Variants in OGDH observed in about 807,000 individuals in gnomAD.
The protein encoded by OGDH is 2-oxoglutarate dehydrogenase complex component E1.
OGDH carries 38 observed loss-of-function variants against 116.6 expected under a neutral mutation model. The ratio of observed to expected loss-of-function variants is 0.33; its 90% CI spans 0.25 to 0.43. OGDH has a LOEUF of 0.43. OGDH is among the 20% of genes least tolerant of loss of function. The probability of loss-of-function intolerance (pLI) is 1.00; values close to 1 mark genes in which losing one functional copy is unlikely to be tolerated. For synonymous variants in OGDH, 488 were observed against 533.3 expected (o/e 0.92, Z 1.17); for missense variants, 825 against 1,357.2 (o/e 0.61, Z 6.16).
intron 20 of OGDH, 73 bp downstream of exon 20, chr7:44,701,688 A>T: frequency 7.3e-7 from 1 of 1,372,060 alleles, no homozygotes; most frequent in Non-Finnish European, 1.0e-6. Context: ...GCTCTTTTAC[A>T]GCTCATGGGA....
At position 44,610,229 on chromosome 7, in the gene OGDH, A is replaced by G. The variant is rs1382065838; in HGVS notation, c.-28+3576A>G. ...GAATTCCTAATGTATTCTAGATACC[A>G]CTGCTTTGTTGGATATGTAGTTTGC... is the stretch of plus-strand genomic sequence containing the variant. On this transcript the variant is annotated intron_variant, in intron 1 of 22. Coordinates refer to ENST00000222673, the MANE Select transcript of OGDH (RefSeq NM_002541.4). Among the ~76,000 whole-genome samples the G allele has an allele frequency of 2.0e-5, 3 of 151,754 alleles. No individual in the cohort carries two copies. In the East Asian group the frequency reaches 5.8e-4, roughly 29 times the overall value.
Position 44,624,313 on chromosome 7 carries a change from A to G in OGDH, c.-27-4A>G. 1.0e-5 allele frequency: 4 copies of G among 391,224 alleles called. No homozygotes were observed. The highest frequency in any genetic ancestry group is 6.8e-5 in the Admixed American group (1 of 14,630). The allele number at this position is 391,224 out of a possible 1,614,324, so 24.2% of individuals were successfully genotyped here. A position where few individuals can be genotyped will look rare whatever the true frequency, so the allele number is the denominator to read the frequency against. On this transcript the variant is annotated splice_region_variant and splice_polypyrimidine_tract_variant and intron_variant, in intron 1 of 22. Transcript: ENST00000222673. The stretch of plus-strand genomic sequence containing the variant: ...CTTGTTTTTTTTTTTTTTTTTTTGT[A>G]CAGGCAGTTGTGAAAAACTTCAGGA...
At chr7:44,657,047 T>C (rs1369031065) in intron 4 of OGDH, among the ~76,000 whole-genome samples, 1 of 152,224 alleles carries the variant, frequency 6.6e-6, no homozygotes, top group East Asian at 1.9e-4. Flanking sequence ...AATTACACTT[T>C]TAATTTTGAG....
intron 10 of OGDH, among the ~76,000 whole-genome samples, chr7:44,689,042 G>T (rs780298105): frequency 5.3e-5 from 8 of 151,822 alleles, no homozygotes; most frequent in African/African-American, 9.7e-5. Context: ...GAGCCACTGT[G>T]CCCAGCCTGT....
chr7:44,664,170 C>A (rs1787078161), intron 4 of OGDH, among the ~76,000 whole-genome samples: 1 of 152,144 alleles, frequency 6.6e-6, no homozygotes, highest in Non-Finnish European at 1.5e-5. Context: ...CTTTTGTAGA[C>A]ACTGTTCCCC....
chr7:44,624,689 C>A, intron 2 of OGDH, 124 bp downstream of exon 2: 1 of 791,856 alleles, frequency 1.3e-6, no homozygotes, highest in Non-Finnish European at 2.2e-6. Context: ...AGCGCCATAC[C>A]AACCACCGTA....
At chr7:44,688,294 C>G (rs1788218645) in intron 10 of OGDH, among the ~76,000 whole-genome samples, 1 of 151,928 alleles carries the variant, frequency 6.6e-6, no homozygotes, top group Admixed American at 6.6e-5. Flanking sequence ...TCGCTTGAAC[C>G]TGGGAGGCGG....
At chr7:44,634,369 C>G (rs1035153908) in intron 2 of OGDH, among the ~76,000 whole-genome samples, 1 of 152,210 alleles carries the variant, frequency 6.6e-6, no homozygotes, top group Non-Finnish European at 1.5e-5. Flanking sequence ...GGCATGGCCA[C>G]TGGACAGCCC....
intron 13 of OGDH, 141 bp downstream of exon 13, chr7:44,696,268 C>G (rs754645708): frequency 1.9e-6 from 2 of 1,061,946 alleles, no homozygotes; most frequent in Non-Finnish European, 1.4e-6. Flanking sequence ...AAGCCCCCTG[C>G]AGACCCTGGA....
At chr7:44,641,248 CAG>C (rs1785931377) in intron 2 of OGDH, among the ~76,000 whole-genome samples, 1 of 87,730 alleles carries the variant, frequency 1.1e-5, no homozygotes, top group Admixed American at 1.6e-4. Context: ...TTTTTGGAAA[CAG>C]GGTGTCACTC....
In OGDH at chr7:44,673,741, G is replaced by GGGAATGAA. The variant is rs1363727243; in HGVS notation, c.634-45_634-44insGAATGAAG. On this transcript the variant is annotated intron_variant, in intron 5 of 22. Transcript: ENST00000222673. ...GCAGTCGGCAGTCTTCATTCAGCCA[G>GGGAATGAA]GCCTGGTTAGAAATCCCCTTGACTG... 1.9e-6 allele frequency: 3 copies of GGGAATGAA among 1,604,808 alleles called. No individual in the cohort carries two copies. In the African/African-American group the frequency reaches 4.0e-5, roughly 21 times the overall value.
At chr7:44,687,363 G>T (rs1788177898) in intron 10 of OGDH, among the ~76,000 whole-genome samples, 1 of 151,692 alleles carries the variant, frequency 6.6e-6, no homozygotes, top group Admixed American at 6.6e-5. Flanking sequence ...CTCCCAAAGT[G>T]CTGGGATTAC....
chr7:44,633,259 A>G (rs1233556396), intron 2 of OGDH, among the ~76,000 whole-genome samples: 1 of 151,036 alleles, frequency 6.6e-6, no homozygotes, highest in African/African-American at 2.4e-5. Flanking sequence ...TGTCAAAAAA[A>G]AAAAAAAAAA....
intron 1 of OGDH, among the ~76,000 whole-genome samples, chr7:44,609,921 C>G (rs942882648): frequency 6.6e-6 from 1 of 152,124 alleles, no homozygotes; most frequent in African/African-American, 2.4e-5. Context: ...TTGTAATTTG[C>G]ATTTTTCTGA....
intron 1 of OGDH, among the ~76,000 whole-genome samples, chr7:44,610,241 G>A (rs1221255077): frequency 1.6e-4 from 24 of 151,910 alleles, no homozygotes; most frequent in Non-Finnish European, 4.4e-5. Flanking sequence ...TGCTTTGTTG[G>A]ATATGTAGTT....
intron 2 of OGDH, among the ~76,000 whole-genome samples, chr7:44,630,915 C>T (rs1454335035): frequency 6.6e-6 from 1 of 152,110 alleles, no homozygotes; most frequent in African/African-American, 2.4e-5. Flanking sequence ...AACTTAGATC[C>T]CTTGCATGCA....
At chr7:44,646,302 G>A (rs1027470622) in intron 3 of OGDH, among the ~76,000 whole-genome samples, 1 of 152,228 alleles carries the variant, frequency 6.6e-6, no homozygotes, top group Non-Finnish European at 1.5e-5. Flanking sequence ...TGCTTTGGTG[G>A]CAACAAGGGG....
chr7:44,627,513 C>A (rs1309583436), intron 2 of OGDH, among the ~76,000 whole-genome samples: 1 of 152,202 alleles, frequency 6.6e-6, no homozygotes, highest in African/African-American at 2.4e-5. Context: ...ATCTCATCTT[C>A]TGTTTAAACA....
At position 44,707,116 on chromosome 7, in the gene OGDH, C is replaced by A; in HGVS notation, c.2633-109C>A. The A allele has an allele frequency of 8.3e-7, 1 of 1,201,084 alleles. No individual in the cohort carries two copies. The highest frequency in any genetic ancestry group is 1.2e-6 in the Non-Finnish European group (1 of 849,416). The allele number at this position is 1,201,084 out of a possible 1,614,324, so 74.4% of individuals were successfully genotyped here. On this transcript the variant is annotated intron_variant, in intron 20 of 22. Transcript: ENST00000222673. The surrounding 1 kb of genome is among the most constrained non-coding windows in gnomAD (Gnocchi z 5.2). ...TGGTGAAGGGGAAGCATCTCTAACC[C>A]TTGAAAGCTGCGTCTCCTGGCAGCA...
Sources: allele counts gnomAD v4.1 joint callset (sites outside exome capture counted in the v4.1 genomes callset), GRCh38; gene constraint gnomAD v4.1.1; non-coding constraint Gnocchi (gnomAD v3.1); transcripts MANE v1.5; gene names NCBI Gene and HGNC (gene_info 2026-07-23, HGNC 2026-07-21).